The following AGMO variants were observed in gnomAD, a reference collection of about 807,000 sequenced individuals.
AGMO encodes alkylglycerol monooxygenase.
AGMO carries 75 observed loss-of-function variants against 60.2 expected under a neutral mutation model. The ratio of observed to expected loss-of-function variants is 1.25; its 90% confidence interval spans 1.03 to 1.51. The LOEUF is 1.51. Ranked by LOEUF, AGMO falls within the 40% of genes most tolerant of loss-of-function variation. The pLI is 0.00. For synonymous variants in AGMO, 261 were observed against 177.1 expected (o/e 1.47, Z -3.76); for missense variants, 763 against 525.5 (o/e 1.45, Z -4.42).
chr7:15,271,667 T>C (rs1036658844), intron 12 of AGMO, among the ~76,000 whole-genome samples: 1 of 152,166 alleles, frequency 6.6e-6, no homozygotes, highest in African/African-American at 2.4e-5. Flanking sequence ...TTTCTTTCAC[T>C]TGCCTGATTG....
chr7:15,274,867 C>A (rs761071490), intron 12 of AGMO, among the ~76,000 whole-genome samples: 1 of 151,594 alleles, frequency 6.6e-6, no homozygotes, highest in African/African-American at 2.4e-5. Context: ...AGTCTCTAAT[C>A]ATTTTTTTTT....
chr7:15,442,450 G>T (rs1781583326), intron 3 of AGMO, among the ~76,000 whole-genome samples: 1 of 152,122 alleles, frequency 6.6e-6, no homozygotes, highest in African/African-American at 2.4e-5. Context: ...AAGGTTTTAT[G>T]TAGGAACATT....
In AGMO at chr7:15,411,707, A is replaced by G. The variant is rs140675896; in HGVS notation, c.609+6851T>C. Among the ~76,000 whole-genome samples, 898 of 152,186 alleles carry G rather than the reference A, an allele frequency of 5.9e-3. 12 individuals are homozygous for G. Among genetic ancestry groups the G allele is most frequent in the African/African-American group, 0.02 (848 of 41,560 alleles). ...TAATTCCAATACATTTCCTATCTACACAAATGGTGAAATAACAGCTACAGA... is the reference window on the plus strand; with the variant it reads ...TAATTCCAATACATTTCCTATCTACGCAAATGGTGAAATAACAGCTACAGA... On this transcript the variant is annotated intron_variant, in intron 5 of 12. Coordinates refer to ENST00000342526, the MANE Select transcript of AGMO (RefSeq NM_001004320.2).
intron 6 of AGMO, among the ~76,000 whole-genome samples, 163 bp from the exon 7 acceptor site, chr7:15,391,068 A>G (rs547986169): frequency 6.6e-6 from 1 of 152,196 alleles, no homozygotes; most frequent in African/African-American, 2.4e-5. Flanking sequence ...TTATTGTCTA[A>G]TAATGGAATT....
intron 3 of AGMO, among the ~76,000 whole-genome samples, chr7:15,536,146 A>C (rs1456708735): frequency 6.6e-6 from 1 of 151,906 alleles, no homozygotes; most frequent in Non-Finnish European, 1.5e-5. Flanking sequence ...AGTTTTACTC[A>C]TTTAAGCTTT....
At chr7:15,141,700 T>A in the AGMO span, among the ~76,000 whole-genome samples, 1 of 152,220 alleles carries the variant, frequency 6.6e-6, no homozygotes, top group African/African-American at 2.4e-5. Flanking sequence ...GCTGCAGATT[T>A]TACCTTATAG....
In AGMO at chr7:15,307,525, GT is replaced by G. The variant is rs879921936; in HGVS notation, c.1263+57988del. Among the ~76,000 whole-genome samples, 336 of 149,332 alleles carry G rather than the reference GT, an allele frequency of 2.3e-3. 6 individuals carry two copies. The highest frequency in any genetic ancestry group is 0.017 in the Admixed American group (247 of 14,896). Reference sequence around the variant, plus strand: ...TGAAATAAATCAGTAAAGTATACTAGTTTTTTTTTTCTTATGAAGCCTATAA... The same window carrying G: ...TGAAATAAATCAGTAAAGTATACTAGTTTTTTTTTCTTATGAAGCCTATAA... On this transcript the variant is annotated intron_variant, in intron 12 of 12. Coordinates refer to ENST00000342526, the MANE Select transcript of AGMO (RefSeq NM_001004320.2).
chr7:15,211,220 A>C (rs1183919939), intron 12 of AGMO, among the ~76,000 whole-genome samples: 1 of 152,018 alleles, frequency 6.6e-6, no homozygotes, highest in Non-Finnish European at 1.5e-5. Flanking sequence ...GTATTGACTT[A>C]CTTTTTTAAA....
chr7:15,299,865 ACACACACACACACACACACAC>A (rs1563075529), intron 12 of AGMO, among the ~76,000 whole-genome samples: 11 of 151,196 alleles, frequency 7.3e-5, no homozygotes, highest in East Asian at 3.9e-4. Context: ...ACACACACAC[ACACACACACACACACACACAC>A]AGTATGTTTT....
intron 3 of AGMO, among the ~76,000 whole-genome samples, chr7:15,467,781 A>G (rs1400791343): frequency 6.6e-6 from 1 of 152,148 alleles, no homozygotes; most frequent in Non-Finnish European, 1.5e-5. Context: ...TCTTATTCAT[A>G]ATTCTATAAT....
chr7:15,182,920 G>A, the AGMO span, among the ~76,000 whole-genome samples: 1 of 152,086 alleles, frequency 6.6e-6, no homozygotes, highest in African/African-American at 2.4e-5. Context: ...ACAGGAGGAA[G>A]AGAGAGAGTG....
At chr7:15,172,168 G>T in the AGMO span, among the ~76,000 whole-genome samples, 1 of 152,036 alleles carries the variant, frequency 6.6e-6, no homozygotes. Flanking sequence ...TAACCCTGAG[G>T]GTGTCCCATC....
chr7:15,346,900 A>G (rs752468096), intron 12 of AGMO, among the ~76,000 whole-genome samples: 4 of 151,440 alleles, frequency 2.6e-5, no homozygotes, highest in Admixed American at 1.3e-4. Context: ...ATGTATATTT[A>G]TTTCTCATTC....
intron 3 of AGMO, among the ~76,000 whole-genome samples, chr7:15,463,079 A>G (rs1362199798): frequency 6.6e-6 from 1 of 152,150 alleles, no homozygotes; most frequent in Non-Finnish European, 1.5e-5. Context: ...AAAAATAAGT[A>G]CATTCCATTG....
Position 15,390,914 on chromosome 7 carries a change from C to CA in AGMO, c.677-10dup, listed in dbSNP as rs1784112151. On this transcript the variant is annotated splice_polypyrimidine_tract_variant and intron_variant, in intron 6 of 12. Coordinates refer to ENST00000342526, the MANE Select transcript of AGMO (RefSeq NM_001004320.2). ...GCAATAACGATTTCTGCCTATGAGACAAAATATTAGAAATTTTTTTTCAGA... is the reference window on the plus strand; with the variant it reads ...GCAATAACGATTTCTGCCTATGAGACAAAAATATTAGAAATTTTTTTTCAGA... 6.4e-7 allele frequency: 1 copy of CA among 1,561,530 alleles called. No homozygotes were observed. The highest frequency in any genetic ancestry group is 1.9e-5 in the Admixed American group (1 of 53,874).
intron 3 of AGMO, among the ~76,000 whole-genome samples, chr7:15,479,523 T>A (rs1268795741): frequency 6.6e-6 from 1 of 152,182 alleles, no homozygotes; most frequent in Non-Finnish European, 1.5e-5. Context: ...TATGTAAATA[T>A]TTCCACAGTA....
rs117739437 is a variant in AGMO at position 15,301,770 on chromosome 7, T to C, written c.1263+63744A>G. ...AACAGTGAAACCAATCTGAATTACA[T>C]ACATCTTTTTAGAAACACTGTTGTA... On this transcript the variant is annotated intron_variant, in intron 12 of 12. Transcript: ENST00000342526. 7.0e-3 allele frequency among the ~76,000 whole-genome samples: 1,065 copies of C among 152,280 alleles called. 5 individuals carry two copies. The highest frequency in any genetic ancestry group is 0.011 in the Non-Finnish European group (762 of 68,022).
At chr7:15,492,443 C>G (rs1783091821) in intron 3 of AGMO, among the ~76,000 whole-genome samples, 1 of 151,580 alleles carries the variant, frequency 6.6e-6, no homozygotes, top group Non-Finnish European at 1.5e-5. Flanking sequence ...TATATAAGTC[C>G]TATGGAGACC....
Position 15,517,009 on chromosome 7 carries a change from A to C in AGMO, c.409+27763T>G, listed in dbSNP as rs185853047. On this transcript the variant is annotated intron_variant, in intron 3 of 12. Transcript: ENST00000342526. ...TTTTTGACAAACTAAATACAATTTG[A>C]ATGCAGGAAGGAAGCAGCTTGAACA... Among the ~76,000 whole-genome samples, 38 of 152,208 alleles carry C rather than the reference A, an allele frequency of 2.5e-4. No homozygotes were observed. The East Asian group carries it at 6.6e-3, about 26-fold the overall frequency.
Sources: allele counts gnomAD v4.1 joint callset (sites outside exome capture counted in the v4.1 genomes callset), GRCh38; gene constraint gnomAD v4.1.1; transcripts MANE v1.5; gene names NCBI Gene and HGNC (gene_info 2026-07-23, HGNC 2026-07-21).